Variants in MDN1 observed in about 807,000 individuals in gnomAD.
MDN1 encodes midasin AAA ATPase 1.
Under a neutral mutation model 669.2 loss-of-function variants are expected in MDN1, and 266 were observed. The ratio of observed to expected loss-of-function variants is 0.40; its 90% CI spans 0.36 to 0.44. The LOEUF (loss-of-function observed/expected upper bound fraction) is 0.44, where lower values mean the gene tolerates loss of function less well. Ranked by LOEUF, MDN1 falls within the 20% of genes least tolerant of loss-of-function variation. MDN1 has a pLI of 1.00. For missense variants in MDN1, 5,940 were observed against 6,754.0 expected (o/e 0.88, Z 4.22); for synonymous variants, 2,385 against 2,457.1 (o/e 0.97, Z 0.87).
At chr6:89,697,213 T>C (rs1052374610) in intron 59 of MDN1, among the ~76,000 whole-genome samples, 1 of 152,230 alleles carries the variant, frequency 6.6e-6, no homozygotes, top group Non-Finnish European at 1.5e-5. Flanking sequence ...TTAGTCAAAA[T>C]GATGTTATTA....
chr6:89,748,613 A>C (rs1816787039), intron 26 of MDN1, among the ~76,000 whole-genome samples: 1 of 152,168 alleles, frequency 6.6e-6, no homozygotes, highest in African/African-American at 2.4e-5. Context: ...AGTTTTCCCT[A>C]AGCCAAATTA....
rs1816785424 is a variant in MDN1 at position 89,748,586 on chromosome 6, T to C, written c.3762+637A>G. 2.6e-5 allele frequency among the ~76,000 whole-genome samples: 4 copies of C among 152,106 alleles called. No individual in the cohort carries two copies. The South Asian group carries it at 8.3e-4, about 32-fold the overall frequency. ...TATGTCCATTCAAGGACTATATCCA[T>C]TTAAAAACCAAAAACCAGTTTTCCC... is the stretch of plus-strand genomic sequence containing the variant. On this transcript the variant is annotated intron_variant, in intron 26 of 101. Transcript: ENST00000369393.
At chr6:89,672,168 GAGGA>G in intron 82 of MDN1, 28 bp downstream of exon 82, 1 of 1,540,298 alleles carries the variant, frequency 6.5e-7, no homozygotes, top group East Asian at 2.3e-5. Context: ...GCATTCTGAA[GAGGA>G]AGAAGTTTGT....
At chr6:89,722,513 G>A (rs1814900132) in intron 40 of MDN1, among the ~76,000 whole-genome samples, 1 of 152,186 alleles carries the variant, frequency 6.6e-6, no homozygotes, top group Non-Finnish European at 1.5e-5. Flanking sequence ...GTAGGAGAAC[G>A]TTTAGTCTGT....
Position 89,671,038 on chromosome 6 carries a change from C to T in MDN1, c.13837G>A (p.Val4613Ile). The T allele has an allele frequency of 6.2e-7, 1 of 1,614,032 alleles. No homozygotes were observed. The highest frequency in any genetic ancestry group is 8.5e-7 in the Non-Finnish European group (1 of 1,180,004). Residue 4613 changes from valine to isoleucine, a missense_variant, in exon 83 of 102, where the codon GTC becomes ATC. By Grantham distance (29) the Val-to-Ile change is conservative (BLOSUM62 3). Transcript: ENST00000369393. ...SCSLLVRLVPVLSSYSDLVLF... is the reference protein window; with the variant it reads ...SCSLLVRLVPILSSYSDLVLF... ...ACGAGGTCTGAGTAGCTGGAGAGGA[C>T]CGGCACCAGGCGCACCAGCAAGGAA...
Position 89,662,820 on chromosome 6 carries a change from G to A in MDN1, c.14384C>T (p.Thr4795Ile), listed in dbSNP as rs747466796. Reference sequence around the variant, plus strand: ...ATCCATTCCTGGTCCTGTTTCTTCAGTTTTATTGTCTTCTTCCTCCTCATC... The same window carrying A: ...ATCCATTCCTGGTCCTGTTTCTTCAATTTTATTGTCTTCTTCCTCCTCATC... ...EEDEEEEDNKTEETGPGMDEE... is the reference protein window; with the variant it reads ...EEDEEEEDNKIEETGPGMDEE... The change falls in exon 86 of 102, where the codon ACT (threonine) becomes ATT (isoleucine). Residue 4795 changes from threonine (T) to isoleucine (I), a missense_variant. This residue lies in a region of MDN1 where 2,280 missense variants were observed against 2,576.3 expected (regional missense o/e 0.88). Coordinates refer to ENST00000369393, the MANE Select transcript of MDN1 (RefSeq NM_014611.3). 1.9e-6 allele frequency: 3 copies of A among 1,614,064 alleles called. No homozygotes were observed. Among genetic ancestry groups the A allele is most frequent in the Non-Finnish European group, 2.5e-6 (3 of 1,179,994 alleles).
chr6:89,699,380 G>A (rs1055854451), intron 58 of MDN1, among the ~76,000 whole-genome samples: 1 of 151,986 alleles, frequency 6.6e-6, no homozygotes, highest in African/African-American at 2.4e-5. Context: ...TCATTTAATT[G>A]GAAACCAAAT....
At chr6:89,796,206 C>T (rs1471483629) in intron 2 of MDN1, among the ~76,000 whole-genome samples, 20 of 151,032 alleles carry the variant, frequency 1.3e-4, no homozygotes, top group Admixed American at 1.3e-3. Flanking sequence ...TGCCTGTAAT[C>T]CCAGCTACTC....
rs748083158 is a variant in MDN1, at chr6:89,789,841, T to C, written c.1169A>G (p.Gln390Arg). 1.9e-6 allele frequency: 3 copies of C among 1,614,078 alleles called. No homozygotes were observed. Among genetic ancestry groups the C allele is most frequent in the South Asian group, 2.2e-5 (2 of 91,062 alleles). The part of the protein sequence containing the change: ...EFVWQPGTLT[Q>R]AATMGHWILL... ...GATCCAGTGGCCCATTGTGGCTGCC[T>C]GTGTCAGGGTGCCAGGCTGCCACAC... Residue 390 changes from glutamine to arginine, a missense_variant, in exon 7 of 102, where the codon CAG (glutamine) becomes CGG (arginine). By Grantham distance (43) the Gln-to-Arg change is conservative. This residue lies in a region of MDN1 where 1,203 missense variants were observed against 1,268.9 expected (regional missense o/e 0.95). Transcript: ENST00000369393.
intron 46 of MDN1, among the ~76,000 whole-genome samples, chr6:89,713,993 C>G (rs1814144739): frequency 6.7e-6 from 1 of 149,844 alleles, no homozygotes; most frequent in African/African-American, 2.5e-5. Context: ...GAGCCAAGAT[C>G]ACGCCACTGC....
Position 89,658,258 on chromosome 6 carries a change from T to G in MDN1, c.15134A>C (p.Gln5045Pro). 2 of 1,614,218 alleles carry G rather than the reference T, an allele frequency of 1.2e-6. No individual in the cohort carries two copies. The highest frequency in any genetic ancestry group is 1.7e-6 in the Non-Finnish European group (2 of 1,180,036). ...TGCGGCCCCAGCCAGCTCCATGGCC[T>G]GTGTGTTCTGCATGTTCTCCACACC... ...QTGVENMQNT[Q>P]AMELAGAAPE... Residue 5045 changes from glutamine to proline, a missense_variant, in exon 90 of 102, where the codon CAG becomes CCG. Coordinates refer to ENST00000369393, the MANE Select transcript of MDN1 (RefSeq NM_014611.3).
intron 38 of MDN1, among the ~76,000 whole-genome samples, chr6:89,723,862 AG>A (rs1815009412): frequency 6.6e-6 from 1 of 152,164 alleles, no homozygotes; most frequent in South Asian, 2.1e-4. Flanking sequence ...AAGAAAAAAG[AG>A]GCCCAGTGCG....
rs115892745 is a variant in MDN1, at chr6:89,819,560, G to T, written c.48C>A (p.Ile16=). The part of the protein sequence containing the change: ...LEVAAAPLRL[I]AAKNEKSRSE... ...TGCGGCTCTTCTCGTTCTTGGCTGC[G>T]ATTAACCGCAGCGGCGCGGCTGCCA... Residue 16 remains isoleucine, a synonymous_variant, in exon 1 of 102, where the codon ATC becomes ATA. Transcript: ENST00000369393. 26 of 1,604,272 alleles carry T rather than the reference G, an allele frequency of 1.6e-5. No individual in the cohort carries two copies. The African/African-American group carries it at 2.8e-4, about 17-fold the overall frequency.
intron 51 of MDN1, 49 bp from the exon 52 acceptor site, chr6:89,707,525 T>G (rs1251321207): frequency 8.7e-7 from 1 of 1,146,794 alleles, no homozygotes; most frequent in Non-Finnish European, 1.3e-6. Context: ...GTTAATAACA[T>G]TTTCAATCAT....
intron 33 of MDN1, among the ~76,000 whole-genome samples, chr6:89,737,299 C>T (rs1027949443): frequency 1.1e-4 from 17 of 152,162 alleles, no homozygotes; most frequent in African/African-American, 3.9e-4. Flanking sequence ...ATGCTCTCTA[C>T]AGCTACTCTA....
intron 19 of MDN1, among the ~76,000 whole-genome samples, chr6:89,756,918 C>G (rs1308646105): frequency 6.8e-6 from 1 of 146,696 alleles, no homozygotes; most frequent in African/African-American, 2.5e-5. Flanking sequence ...GAGACTCCAT[C>G]TCAAAAAAAA....
chr6:89,690,378 C>T (rs1476905975), intron 64 of MDN1, among the ~76,000 whole-genome samples: 1 of 152,052 alleles, frequency 6.6e-6, no homozygotes. Context: ...TTTGAGACAG[C>T]CTGGGTGACA....
At chr6:89,807,051 T>A (rs916069386) in intron 1 of MDN1, among the ~76,000 whole-genome samples, 4 of 152,178 alleles carry the variant, frequency 2.6e-5, no homozygotes, top group African/African-American at 9.6e-5. Flanking sequence ...CTTAAGACTT[T>A]TTACATACAA....
Position 89,758,834 on chromosome 6 carries a change from G to A in MDN1, c.2587C>T (p.Leu863=). ...LEGSSGSLVL[L]DRGDTEPLVR... is the part of the protein sequence containing the mutation. The stretch of plus-strand genomic sequence containing the variant: ...GTGCTACCTGTGTCTCCTCGATCCA[G>A]CAACACCAGGGATCCAGAAGATCCT... The change falls in exon 18 of 102, where the codon CTG becomes TTG. Residue 863 remains leucine, a synonymous_variant. Coordinates refer to ENST00000369393, the MANE Select transcript of MDN1 (RefSeq NM_014611.3). 19 of 1,614,098 alleles carry A rather than the reference G, an allele frequency of 1.2e-5. No homozygotes were observed. The highest frequency in any genetic ancestry group is 1.5e-5 in the Non-Finnish European group (18 of 1,180,014).
Sources: allele counts gnomAD v4.1 joint callset (sites outside exome capture counted in the v4.1 genomes callset), GRCh38; gene constraint gnomAD v4.1.1; regional missense constraint gnomAD v4.1.1; transcripts MANE v1.5; gene names NCBI Gene and HGNC (gene_info 2026-07-23, HGNC 2026-07-21).